The following POLD1 variants were observed in gnomAD, a reference collection of about 807,000 sequenced individuals.
POLD1 encodes the protein DNA polymerase delta 1, catalytic subunit.
A neutral mutation model predicts 129.7 loss-of-function variants in POLD1; 79 were observed. The ratio of observed to expected loss-of-function variants is 0.61; its 90% CI spans 0.51 to 0.73. POLD1 has a LOEUF of 0.73. POLD1 is among the 30% of genes least tolerant of loss of function. The pLI, the probability that POLD1 is intolerant of heterozygous loss-of-function variation, is 0.00. For synonymous variants in POLD1, 714 were observed against 683.3 expected (o/e 1.04, Z -0.70); for missense variants, 1,338 against 1,595.8 (o/e 0.84, Z 2.75).
chr19:50,398,896 A>G lies in POLD1; in HGVS notation c.45A>G (p.Pro15=), dbSNP rs761783892. The part of the protein sequence containing the change: ...RRPGPGPGVP[P]KRARGGLWDD... ...CAGGCCCAGGGCCCGGGGTGCCCCC[A>G]AAGCGGGCCCGTGGGGGCCTCTGGG... Residue 15 remains proline (P), a synonymous_variant, in exon 2 of 27, where the codon CCA becomes CCG. Coordinates refer to ENST00000440232, the MANE Select transcript of POLD1 (RefSeq NM_002691.4). 7 of 1,604,836 alleles carry G rather than the reference A, an allele frequency of 4.4e-6. No homozygotes were observed. Among genetic ancestry groups the G allele is most frequent in the Non-Finnish European group, 5.9e-6 (7 of 1,177,120 alleles).
chr19:50,407,405 C>A lies in POLD1; in HGVS notation c.1765C>A (p.Pro589Thr), dbSNP rs2122345426. 6.2e-7 allele frequency: 1 copy of A among 1,606,448 alleles called. No homozygotes were observed. Among genetic ancestry groups the A allele is most frequent in the Non-Finnish European group, 8.5e-7 (1 of 1,175,446 alleles). Residue 589 changes from proline to threonine, a missense_variant, in exon 14 of 27, where the codon CCC becomes ACC. Transcript: ENST00000440232. ...CTACACGGGAGCCACTGTCATCGAG[C>A]CCCTCAAAGGGTGAGGCCCCAGGCT... ...EDYTGATVIE[P>T]LKGYYDVPIA...
rs549820323 is a variant in POLD1 at position 50,400,211 on chromosome 19, A to ATTTTTTT, written c.316+747_316+753dup. ...CAGGCTGGAGTGCACCTGGCCAATA[A>ATTTTTTT]TTTTTTTTTTTTTTTTTTTTTTTTT... is the stretch of plus-strand genomic sequence containing the variant. On this transcript the variant is annotated intron_variant, in intron 3 of 26. Coordinates refer to ENST00000440232, the MANE Select transcript of POLD1 (RefSeq NM_002691.4). 4.4e-3 allele frequency among the ~76,000 whole-genome samples: 296 copies of ATTTTTTT among 67,794 alleles called. 19 individuals are homozygous for ATTTTTTT. The highest frequency in any genetic ancestry group is 0.019 in the African/African-American group (275 of 14,626). 44.5% of individuals were successfully genotyped at this position (67,794 alleles called of 152,430 possible). A position where few individuals can be genotyped will look rare whatever the true frequency, so the allele number is the denominator to read the frequency against.
intron 1 of POLD1, among the ~76,000 whole-genome samples, chr19:50,396,091 TTG>T (rs1235512655): frequency 0.055 from 6,552 of 119,398 alleles, 557 homozygotes; most frequent in African/African-American, 0.21. Context: ...TGGTTTTTTT[TTG>T]TTTTTTTTTT....
Position 50,416,367 on chromosome 19 carries a change from G to C in POLD1, c.2821-29G>C, listed in dbSNP as rs1426811277. The C allele has an allele frequency of 4.5e-6, 7 of 1,546,030 alleles. No individual in the cohort carries two copies. In the East Asian group the frequency reaches 1.5e-4, roughly 32 times the overall value. On this transcript the variant is annotated intron_variant, in intron 22 of 26. Transcript: ENST00000440232. Reference sequence around the variant, plus strand: ...CCACCCCGGTGCCCTTTCCCTGGCTGCCCGGGTGTGACTGCCATGTGGCCG... The same window carrying C: ...CCACCCCGGTGCCCTTTCCCTGGCTCCCCGGGTGTGACTGCCATGTGGCCG...
chr19:50,399,310 C>A, intron 2 of POLD1, 61 bp from the exon 3 acceptor site: 1 of 1,387,280 alleles, frequency 7.2e-7, no homozygotes, highest in Non-Finnish European at 1.0e-6. Flanking sequence ...GAACCACATG[C>A]CATCCTGGCC....
chr19:50,409,707 G>A lies in POLD1; in HGVS notation c.2154+41G>A, dbSNP rs1371383825. 1.2e-5 allele frequency: 18 copies of A among 1,564,630 alleles called. No individual in the cohort carries two copies. The highest frequency in any genetic ancestry group is 1.4e-5 in the Non-Finnish European group (16 of 1,152,486). On this transcript the variant is annotated intron_variant, in intron 17 of 26. Transcript: ENST00000440232. This position sits in a 1 kb window ranked among gnomAD's most constrained non-coding sequence, Gnocchi z 5.8. ...CCTGGAAGGCAACTGGGGGCAGGTGGGCCCCCTGTGTAGGAGACCAGGGCT... is the reference window on the plus strand; with the variant it reads ...CCTGGAAGGCAACTGGGGGCAGGTGAGCCCCCTGTGTAGGAGACCAGGGCT...
chr19:50,416,203 G>A, intron 22 of POLD1, 193 bp from the exon 23 acceptor site: 1 of 607,748 alleles, frequency 1.6e-6, no homozygotes, highest in Non-Finnish European at 2.9e-6. Context: ...ACCCTTCCGT[G>A]GTGACCTGAG....
In POLD1 at chr19:50,409,699, G is replaced by A. The variant is rs777241246; in HGVS notation, c.2154+33G>A. On this transcript the variant is annotated intron_variant, in intron 17 of 26. Transcript: ENST00000440232. The surrounding 1 kb of genome is among the most constrained non-coding windows in gnomAD (Gnocchi z 5.8). ...CTCGGGCCCCTGGAAGGCAACTGGGGGCAGGTGGGCCCCCTGTGTAGGAGA... is the reference window on the plus strand; with the variant it reads ...CTCGGGCCCCTGGAAGGCAACTGGGAGCAGGTGGGCCCCCTGTGTAGGAGA... The A allele has an allele frequency of 1.9e-6, 3 of 1,573,110 alleles. No individual in the cohort carries two copies. Among genetic ancestry groups the A allele is most frequent in the African/African-American group, 1.4e-5 (1 of 73,954 alleles).
chr19:50,400,766 G>A (rs879811713), intron 3 of POLD1, among the ~76,000 whole-genome samples: 17 of 149,454 alleles, frequency 1.1e-4, no homozygotes, highest in South Asian at 2.1e-4. Context: ...GCGCGATCTC[G>A]GCTCACTGCA....
At position 50,409,131 on chromosome 19, in the gene POLD1, G is replaced by A. The variant is rs1281531776; in HGVS notation, c.1902G>A (p.Glu634=). The A allele has an allele frequency of 6.2e-7, 1 of 1,609,852 alleles. No individual in the cohort carries two copies. The highest frequency in any genetic ancestry group is 1.1e-5 in the South Asian group (1 of 91,008). ...PGTAQKLGLT[E]DQFIRTPTGD... ...ACATCTTCCAACCCAGCCTGACTGA[G>A]GATCAGTTCATCAGGACCCCCACCG... Residue 634 remains glutamate (E), a synonymous_variant, in exon 16 of 27, where the codon GAG becomes GAA. Transcript: ENST00000440232. This position sits in a 1 kb window ranked among gnomAD's most constrained non-coding sequence, Gnocchi z 5.8.
At chr19:50,413,713 T>TCACATA in intron 18 of POLD1, 29 bp from the exon 19 acceptor site, 1 of 1,569,854 alleles carries the variant, frequency 6.4e-7, no homozygotes, top group Non-Finnish European at 8.6e-7. Flanking sequence ...ACCCTGCTTC[T>TCACATA]CACATACACA....
intron 10 of POLD1, among the ~76,000 whole-genome samples, chr19:50,404,375 G>A (rs61670118): frequency 0.1 from 14,994 of 147,726 alleles, 1,277 homozygotes; most frequent in South Asian, 0.2. Context: ...CCATTCTCCT[G>A]CCTCAGCCTC....
At chr19:50,408,380 A>C (rs1236994610) in intron 14 of POLD1, among the ~76,000 whole-genome samples, 6 of 151,638 alleles carry the variant, frequency 4.0e-5, no homozygotes, top group African/African-American at 9.7e-5. Context: ...TATATATATT[A>C]TTTTTCTTTT....
chr19:50,414,256 A>G (rs562265824), intron 19 of POLD1, among the ~76,000 whole-genome samples: 1 of 152,330 alleles, frequency 6.6e-6, no homozygotes, highest in South Asian at 2.1e-4. Context: ...ACCTTGCACC[A>G]TATTTTCTTT....
chr19:50,399,199 G>A, intron 2 of POLD1, 146 bp downstream of exon 2: 2 of 1,301,726 alleles, frequency 1.5e-6, no homozygotes, highest in Non-Finnish European at 2.2e-6. Flanking sequence ...ACCCCGTGCA[G>A]CCTGTGTGGC....
chr19:50,389,626 G>A (rs185851202), intron 1 of POLD1, among the ~76,000 whole-genome samples: 273 of 146,412 alleles, frequency 1.9e-3, no homozygotes, highest in Admixed American at 4.4e-3. Context: ...TTGCTCTATC[G>A]CCCAGGCTGG....
intron 3 of POLD1, 34 bp from the exon 4 acceptor site, chr19:50,401,744 G>A (rs745621529): frequency 1.2e-6 from 2 of 1,608,284 alleles, no homozygotes; most frequent in African/African-American, 1.3e-5. Flanking sequence ...GACCCTGAGA[G>A]GCATGGCCGC....
rs1055961308 is a variant in POLD1, at chr19:50,409,324, C to G, written c.2006+89C>G. 13 of 1,229,510 alleles carry G rather than the reference C, an allele frequency of 1.1e-5. No individual in the cohort carries two copies. The highest frequency in any genetic ancestry group is 3.7e-5 in the Admixed American group (2 of 53,382). The allele number at this position is 1,229,510 out of a possible 1,614,324, so 76.2% of individuals were successfully genotyped here. ...CCTCACTGGGACACCCCAGGGCTGC[C>G]CAGCCACCCTGCCCTCAGCTGTGCG... On this transcript the variant is annotated intron_variant, in intron 16 of 26. Coordinates refer to ENST00000440232, the MANE Select transcript of POLD1 (RefSeq NM_002691.4). The surrounding 1 kb of genome is among the most constrained non-coding windows in gnomAD (Gnocchi z 5.8).
Position 50,407,088 on chromosome 19 carries a change from G to A in POLD1, c.1600G>A (p.Glu534Lys). The change falls in exon 13 of 27, where the codon GAG becomes AAG. Residue 534 changes from glutamate to lysine, a missense_variant. Coordinates refer to ENST00000440232, the MANE Select transcript of POLD1 (RefSeq NM_002691.4). The stretch of plus-strand genomic sequence containing the variant: ...GCTCATGGTGCTGGTGAACGCCGTG[G>A]AGATGGCGAGGGTCACTGGCGTGCC... Reference protein sequence around the residue: ...ERLMVLVNAVEMARVTGVPLS... With the variant: ...ERLMVLVNAVKMARVTGVPLS... 2 of 1,613,820 alleles carry A rather than the reference G, an allele frequency of 1.2e-6. No homozygotes were observed. The highest frequency in any genetic ancestry group is 1.7e-6 in the Non-Finnish European group (2 of 1,180,016).
Sources: gnomAD v4.1 joint callset for allele counts (sites outside exome capture counted in the v4.1 genomes callset) on GRCh38, gnomAD v4.1.1 for gene constraint, Gnocchi (gnomAD v3.1) non-coding constraint, MANE v1.5 for transcripts, NCBI Gene and HGNC (gene_info 2026-07-23, HGNC 2026-07-21) for gene names.